Variants in LHX4 observed in about 807,000 individuals in gnomAD.
LHX4 encodes the protein LIM homeobox 4, also known as LIM/homeobox protein Lhx4.
Under a neutral mutation model 39.2 loss-of-function variants are expected in LHX4, and 16 were observed. The observed-to-expected ratio is 0.41, with a 90% CI of 0.28 to 0.62. The LOEUF (loss-of-function observed/expected upper bound fraction) is 0.62, where lower values mean the gene tolerates loss of function less well. LHX4 is among the 20% of genes least tolerant of loss of function. LHX4 has a pLI of 0.33. For missense variants in LHX4, 439 were observed against 511.9 expected, an observed-to-expected ratio of 0.86 and a Z score of 1.37; for synonymous variants, 206 against 198.1, an observed-to-expected ratio of 1.04 and a Z score of -0.33.
chr1:180,256,517 G>A (rs537280543), intron 2 of LHX4, among the ~76,000 whole-genome samples: 8 of 152,306 alleles, frequency 5.3e-5, no homozygotes, highest in South Asian at 2.1e-4. Flanking sequence ...CAGTTCCTGC[G>A]GGTGTCTGCC....
At chr1:180,229,964 A>AGGCGGGGG (rs1553278096), upstream of LHX4, among the ~76,000 whole-genome samples, 9 of 73,474 alleles carry the variant, frequency 1.2e-4, no homozygotes, top group African/African-American at 7.2e-4. Context: ...GGAGGCGGGG[A>AGGCGGGGG]GGGGGGGGGG....
chr1:180,270,135 T>G (rs1648552186), intron 3 of LHX4: 1 of 152,222 alleles, frequency 6.6e-6, no homozygotes, highest in African/African-American at 2.4e-5. Flanking sequence ...CACTCACTCA[T>G]CAAGAACACT....
rs754063710 is a variant in LHX4 at position 180,266,566 on chromosome 1, G to A, written c.423G>A (p.Lys141=). Residue 141 remains lysine, a synonymous_variant, in exon 3 of 6, where the codon AAG becomes AAA. Transcript: ENST00000263726. This position sits in a 1 kb window ranked among gnomAD's most constrained non-coding sequence, Gnocchi z 5.7. ...TGGAGGACGGGCGGCTGGTGTGCAA[G>A]GAAGACTACGAGACAGCCAAGCAGA... The part of the protein sequence containing the change: ...YLMEDGRLVC[K]EDYETAKQND... The A allele has an allele frequency of 9.6e-5, 155 of 1,614,068 alleles. No homozygotes were observed. Among genetic ancestry groups the A allele is most frequent in the Non-Finnish European group, 1.3e-4 (154 of 1,180,026 alleles).
chr1:180,235,226 C>G (rs1404834518), intron 1 of LHX4, among the ~76,000 whole-genome samples: 1 of 152,244 alleles, frequency 6.6e-6, no homozygotes, highest in Non-Finnish European at 1.5e-5. Flanking sequence ...GCAGTCCATC[C>G]GCCCAGAGGT....
chr1:180,245,968 T>C (rs1647365937), intron 1 of LHX4, among the ~76,000 whole-genome samples: 1 of 151,822 alleles, frequency 6.6e-6, no homozygotes, highest in Admixed American at 6.6e-5. Context: ...ACTGATTGAC[T>C]GGACTGCGTA....
chr1:180,250,348 T>TGTGC (rs561965552), intron 2 of LHX4, among the ~76,000 whole-genome samples: 26 of 63,424 alleles, frequency 4.1e-4, no homozygotes, highest in Non-Finnish European at 4.6e-4. Flanking sequence ...TGTGTGTGTG[T>TGTGC]GCGCGCGTGG....
intron 2 of LHX4, among the ~76,000 whole-genome samples, chr1:180,251,359 G>A (rs982309373): frequency 1.3e-5 from 2 of 152,206 alleles, no homozygotes; most frequent in Admixed American, 6.5e-5. Flanking sequence ...ACCCTCCAGG[G>A]CTTCCATCCT....
At chr1:180,257,572 G>A (rs1471792927) in intron 2 of LHX4, among the ~76,000 whole-genome samples, 1 of 152,154 alleles carries the variant, frequency 6.6e-6, no homozygotes, top group South Asian at 2.1e-4. Context: ...TAGAGTGGGC[G>A]GTGATATATG....
chr1:180,266,598 A>G lies in LHX4; in HGVS notation c.451+4A>G, dbSNP rs1648324801. 6.2e-7 allele frequency: 1 copy of G among 1,613,832 alleles called. No homozygotes were observed. The highest frequency in any genetic ancestry group is 2.2e-5 in the East Asian group (1 of 44,864). On this transcript the variant is annotated splice_donor_region_variant and intron_variant, in intron 3 of 5. Coordinates refer to ENST00000263726, the MANE Select transcript of LHX4 (RefSeq NM_033343.4). This position sits in a 1 kb window ranked among gnomAD's most constrained non-coding sequence, Gnocchi z 5.7. Reference sequence around the variant, plus strand: ...TACGAGACAGCCAAGCAGAACGGTAAGCAGCATGGCCCCGCATGGTCCCCT... The same window carrying G: ...TACGAGACAGCCAAGCAGAACGGTAGGCAGCATGGCCCCGCATGGTCCCCT...
intron 2 of LHX4, among the ~76,000 whole-genome samples, chr1:180,250,337 G>A (rs979651350): frequency 1.9e-5 from 1 of 52,320 alleles, no homozygotes; most frequent in Non-Finnish European, 3.9e-5. Context: ...GTGTGTGTGT[G>A]TGTGTGTGTG....
chr1:180,233,543 C>T (rs1664228927), intron 1 of LHX4, among the ~76,000 whole-genome samples: 1 of 152,270 alleles, frequency 6.6e-6, no homozygotes. Flanking sequence ...TCCCCGCGGA[C>T]CTCAGCAGTC....
intron 2 of LHX4, among the ~76,000 whole-genome samples, chr1:180,255,301 A>T (rs1443779031): frequency 6.6e-6 from 1 of 152,278 alleles, no homozygotes; most frequent in Non-Finnish European, 1.5e-5. Flanking sequence ...CACACCTGCC[A>T]GGCCATGCAG....
chr1:180,268,520 A>G (rs568430291), intron 3 of LHX4, among the ~76,000 whole-genome samples: 1 of 152,330 alleles, frequency 6.6e-6, no homozygotes, highest in Non-Finnish European at 1.5e-5. Flanking sequence ...CCCCCCACAC[A>G]GGGAGATCTC....
chr1:180,266,508 G>A lies in LHX4; in HGVS notation c.365G>A (p.Arg122Gln), dbSNP rs368906861. ...TGCTTTGCTTGCATCATCTGCAACC[G>A]GCAGCTGGCCACGGGGGACGAATTC... ...LHCFACIICN[R>Q]QLATGDEFYL... The change falls in exon 3 of 6, where the codon CGG becomes CAG. Residue 122 changes from arginine (R) to glutamine (Q), a missense_variant. By Grantham distance (43) the Arg-to-Gln change is conservative. Transcript: ENST00000263726. This position sits in a 1 kb window ranked among gnomAD's most constrained non-coding sequence, Gnocchi z 5.7. 36 of 1,614,182 alleles carry A rather than the reference G, an allele frequency of 2.2e-5. No homozygotes were observed. In the African/African-American group the frequency reaches 2.4e-4, roughly 11 times the overall value.
chr1:180,235,570 G>T (rs1203716550), intron 1 of LHX4, among the ~76,000 whole-genome samples: 1 of 152,230 alleles, frequency 6.6e-6, no homozygotes, highest in Non-Finnish European at 1.5e-5. Flanking sequence ...GAGCGGGGAG[G>T]CCGCCGGCGG....
intron 1 of LHX4, among the ~76,000 whole-genome samples, chr1:180,244,963 C>T (rs750079517): frequency 1.3e-5 from 2 of 152,220 alleles, no homozygotes; most frequent in African/African-American, 2.4e-5. Flanking sequence ...GGCTGTGCCC[C>T]GCTGTCGGGG....
rs1558207203 is a variant in LHX4, at chr1:180,234,201, ATATATATATATATATATAT to A, written c.76+3597_76+3615del. ...TATATATATATATATATATATATAT[ATATATATATATATATATAT>A]AATAGATTGAGATTCTATCATATTC... is the stretch of plus-strand genomic sequence containing the variant. On this transcript the variant is annotated intron_variant, in intron 1 of 5. Coordinates refer to ENST00000263726, the MANE Select transcript of LHX4 (RefSeq NM_033343.4). This position sits in a 1 kb window ranked among gnomAD's most constrained non-coding sequence, Gnocchi z 4.8. Among the ~76,000 whole-genome samples, 7,030 of 81,928 alleles carry A rather than the reference ATATATATATATATATATAT, an allele frequency of 0.086. 403 individuals are homozygous for A. Among genetic ancestry groups the A allele is most frequent in the South Asian group, 0.17 (369 of 2,198 alleles). 53.7% of individuals were successfully genotyped at this position (81,928 alleles called of 152,430 possible). A position where few individuals can be genotyped will look rare whatever the true frequency, so the allele number is the denominator to read the frequency against.
chr1:180,263,831 T>A (rs1031795721), intron 2 of LHX4, among the ~76,000 whole-genome samples: 1 of 152,192 alleles, frequency 6.6e-6, no homozygotes, highest in Admixed American at 6.5e-5. Context: ...AGGAGGCTGC[T>A]GAAGGGTCTT....
At chr1:180,231,562 GC>G (rs1261969523) in intron 1 of LHX4, among the ~76,000 whole-genome samples, 6 of 130,648 alleles carry the variant, frequency 4.6e-5, no homozygotes, top group Non-Finnish European at 7.6e-5. Context: ...CGTCGCGCGC[GC>G]GCGCGCGCGC....
Sources: allele counts gnomAD v4.1 joint callset (sites outside exome capture counted in the v4.1 genomes callset), GRCh38; gene constraint gnomAD v4.1.1; non-coding constraint Gnocchi (gnomAD v3.1); transcripts MANE v1.5; gene names NCBI Gene and HGNC (gene_info 2026-07-23, HGNC 2026-07-21).